The following FAM20B variants were observed in gnomAD, a reference collection of about 807,000 sequenced individuals.
FAM20B encodes the protein glycosaminoglycan xylosylkinase.
FAM20B carries 23 observed loss-of-function variants against 43.8 expected under a neutral mutation model. The ratio of observed to expected loss-of-function variants is 0.53; its 90% CI spans 0.38 to 0.74. FAM20B has a LOEUF of 0.74. FAM20B is among the 30% of genes least tolerant of loss of function. The pLI, the probability that FAM20B is intolerant of heterozygous loss-of-function variation, is 0.00. For missense variants in FAM20B, 440 were observed against 510.5 expected (o/e 0.86, Z 1.33); for synonymous variants, 178 against 192.4 (o/e 0.93, Z 0.62).
At chr1:179,039,330 G>T (rs1650381415) in intron 1 of FAM20B, among the ~76,000 whole-genome samples, 1 of 152,164 alleles carries the variant, frequency 6.6e-6, no homozygotes, top group Non-Finnish European at 1.5e-5. Flanking sequence ...CTTGTATTTG[G>T]AGCCTTTTAA....
Position 179,050,839 on chromosome 1 carries a change from G to A in FAM20B, c.464+474G>A, listed in dbSNP as rs76160562. 4.8e-3 allele frequency among the ~76,000 whole-genome samples: 729 copies of A among 152,214 alleles called. 6 individuals carry two copies. Among genetic ancestry groups the A allele is most frequent in the African/African-American group, 0.017 (700 of 41,550 alleles). ...AAACCAGAATAATTACAAAAGGAAA[G>A]GGCCAGGCGTAGTGGCTCATGCCTG... On this transcript the variant is annotated intron_variant, in intron 3 of 7. Coordinates refer to ENST00000263733, the MANE Select transcript of FAM20B (RefSeq NM_014864.4).
At chr1:179,030,496 A>G (rs1178579789) in intron 1 of FAM20B, among the ~76,000 whole-genome samples, 2 of 152,214 alleles carry the variant, frequency 1.3e-5, no homozygotes, top group Non-Finnish European at 2.9e-5. Flanking sequence ...GATACTAGGA[A>G]CCAGGTTGGC....
At position 179,072,028 on chromosome 1, in the gene FAM20B, C is replaced by T. The variant is rs755259109; in HGVS notation, c.1114C>T (p.Leu372=). Residue 372 remains leucine, a synonymous_variant, in exon 8 of 8, where the codon CTG becomes TTG. Coordinates refer to ENST00000263733, the MANE Select transcript of FAM20B (RefSeq NM_014864.4). ...PISPVLSDPH[L]DAVDQRLLSV... ...CTCCCCAGTGCTCTCTGATCCTCAT[C>T]TGGACGCCGTGGACCAGCGGCTCCT... The T allele has an allele frequency of 1.6e-5, 26 of 1,614,096 alleles. No individual in the cohort carries two copies.
chr1:179,035,786 A>G (rs1650200747), intron 1 of FAM20B: 3 of 245,848 alleles, frequency 1.2e-5, no homozygotes, highest in Non-Finnish European at 2.4e-5. Context: ...TACAATATTT[A>G]TCAAATGAGT....
At chr1:179,048,108 C>T (rs969391514) in intron 2 of FAM20B, among the ~76,000 whole-genome samples, 2 of 151,892 alleles carry the variant, frequency 1.3e-5, no homozygotes, top group African/African-American at 4.8e-5. Context: ...TTTAATGTAG[C>T]TATTTCCATT....
chr1:179,054,015 A>G (rs1325854923), intron 3 of FAM20B, among the ~76,000 whole-genome samples: 1 of 151,628 alleles, frequency 6.6e-6, no homozygotes. Context: ...TTTAAAATAA[A>G]TCATTGTTTT....
intron 2 of FAM20B, among the ~76,000 whole-genome samples, chr1:179,048,058 A>T (rs1386189311): frequency 6.6e-6 from 1 of 152,088 alleles, no homozygotes; most frequent in Non-Finnish European, 1.5e-5. Flanking sequence ...ACTTTTATTT[A>T]CACATTTTGC....
the FAM20B span, among the ~76,000 whole-genome samples, chr1:179,017,601 T>C: frequency 6.6e-6 from 1 of 152,242 alleles, no homozygotes; most frequent in African/African-American, 2.4e-5. Context: ...TTGAGCATTC[T>C]ATATTTATTT....
chr1:179,026,249 G>A (rs987481450), intron 1 of FAM20B, among the ~76,000 whole-genome samples, 151 bp downstream of exon 1: 1 of 151,230 alleles, frequency 6.6e-6, no homozygotes, highest in Non-Finnish European at 1.5e-5. Context: ...GAGGGGCCGG[G>A]CACCGGGTGC....
rs528485974 is a variant in FAM20B, at chr1:179,032,404, C to T, written c.-134+6306C>T. Among the ~76,000 whole-genome samples the T allele has an allele frequency of 6.0e-5, 9 of 149,876 alleles. No homozygotes were observed. In the South Asian group the frequency reaches 1.9e-3, roughly 31 times the overall value. On this transcript the variant is annotated intron_variant, in intron 1 of 7. Transcript: ENST00000263733. ...TGGCATGATCTTGATTCACTGCAGC[C>T]TCAGCCTCCCGAGTAGCTGGCTCAT...
At chr1:179,057,190 C>T (rs779943308) in intron 4 of FAM20B, among the ~76,000 whole-genome samples, 10 of 152,036 alleles carry the variant, frequency 6.6e-5, no homozygotes, top group Admixed American at 2.0e-4. Flanking sequence ...ACTAAAAACA[C>T]GAAAATTAGC....
the FAM20B span, among the ~76,000 whole-genome samples, chr1:179,019,509 C>A: frequency 3.4e-3 from 513 of 149,010 alleles, 4 homozygotes; most frequent in African/African-American, 0.012. Flanking sequence ...GTTGCCCAGG[C>A]TGGAGTGCAA....
chr1:179,019,744 G>A, the FAM20B span, among the ~76,000 whole-genome samples: 1 of 152,110 alleles, frequency 6.6e-6, no homozygotes, highest in Non-Finnish European at 1.5e-5. Context: ...TTACAGGTGT[G>A]GGCCACTGCG....
intron 4 of FAM20B, among the ~76,000 whole-genome samples, chr1:179,062,219 C>T (rs1183425451): frequency 2.0e-5 from 3 of 152,136 alleles, no homozygotes; most frequent in South Asian, 2.1e-4. Context: ...ACCCTGTGGG[C>T]GCTAGGTGTG....
chr1:179,044,347 T>C, intron 2 of FAM20B, 123 bp downstream of exon 2: 2 of 1,085,132 alleles, frequency 1.8e-6, no homozygotes, highest in Non-Finnish European at 2.6e-6. Context: ...AGGGGTAGAC[T>C]AGATCTCTAA....
intron 1 of FAM20B, among the ~76,000 whole-genome samples, chr1:179,029,492 A>G (rs1298485053): frequency 6.6e-6 from 1 of 152,214 alleles, no homozygotes; most frequent in East Asian, 1.9e-4. Flanking sequence ...CTAGCTTGGG[A>G]TGTAAAGAAT....
intron 4 of FAM20B, among the ~76,000 whole-genome samples, chr1:179,055,601 G>A (rs1486803985): frequency 1.3e-5 from 2 of 152,182 alleles, no homozygotes; most frequent in East Asian, 3.8e-4. Flanking sequence ...TGGTTGTTCA[G>A]TTTTATGTTT....
intron 1 of FAM20B, among the ~76,000 whole-genome samples, chr1:179,036,816 G>A (rs1176118090): frequency 6.6e-6 from 1 of 152,216 alleles, no homozygotes; most frequent in Non-Finnish European, 1.5e-5. Context: ...AAAGGAGGGA[G>A]AAGTTACTTT....
Position 179,044,050 on chromosome 1 carries a change from C to G in FAM20B, c.203C>G (p.Ala68Gly). The change falls in exon 2 of 8, where the codon GCC becomes GGC. Residue 68 changes from alanine to glycine, a missense_variant. Transcript: ENST00000263733. ...TTGCAGTCTCCCTGGGAGATTGCAG[C>G]CCAGTGGGTGGTTCCCCGGGAAGTG... is the stretch of plus-strand genomic sequence containing the variant. Reference protein sequence around the residue: ...HTLQSPWEIAAQWVVPREVYP... With the variant: ...HTLQSPWEIAGQWVVPREVYP... 6.2e-7 allele frequency: 1 copy of G among 1,614,132 alleles called. No individual in the cohort carries two copies. Among genetic ancestry groups the G allele is most frequent in the Non-Finnish European group, 8.5e-7 (1 of 1,180,004 alleles).
Sources: allele counts gnomAD v4.1 joint callset (sites outside exome capture counted in the v4.1 genomes callset), GRCh38; gene constraint gnomAD v4.1.1; transcripts MANE v1.5; gene names NCBI Gene and HGNC (gene_info 2026-07-23, HGNC 2026-07-21).